The following AUTS2 variants were observed in gnomAD, a reference collection of about 807,000 sequenced individuals.
The protein encoded by AUTS2 is autism susceptibility gene 2 protein.
AUTS2 carries 17 observed loss-of-function variants against 112.4 expected under a neutral mutation model. The observed-to-expected ratio is 0.15, with a 90% CI of 0.10 to 0.23. The LOEUF is 0.23. AUTS2 is among the 10% of genes least tolerant of loss of function. AUTS2 has a pLI of 1.00. For synonymous variants in AUTS2, 751 were observed against 702.7 expected (o/e 1.07, Z -1.09); for missense variants, 1,510 against 1,701.6 (o/e 0.89, Z 1.98).
At chr7:70,589,598 C>T (rs939120710) in intron 5 of AUTS2, among the ~76,000 whole-genome samples, 8 of 152,138 alleles carry the variant, frequency 5.3e-5, no homozygotes, top group African/African-American at 1.9e-4. Context: ...CCTGTAATCC[C>T]AGCTACTCAG....
At chr7:69,754,454 G>A (rs1450365288) in intron 1 of AUTS2, among the ~76,000 whole-genome samples, 6 of 152,150 alleles carry the variant, frequency 3.9e-5, no homozygotes, top group African/African-American at 1.4e-4. Flanking sequence ...TTGGAATAGG[G>A]ATTTGTTGCA....
chr7:70,231,754 TTTTTTG>T (rs1454254185), intron 4 of AUTS2, among the ~76,000 whole-genome samples: 1 of 6,592 alleles, frequency 1.5e-4, no homozygotes, highest in African/African-American at 7.1e-4. Context: ...GATATGAGGT[TTTTTTG>T]TTTGTTTGTT....
intron 4 of AUTS2, among the ~76,000 whole-genome samples, chr7:70,252,278 C>A (rs1196294267): frequency 6.6e-6 from 1 of 152,140 alleles, no homozygotes; most frequent in African/African-American, 2.4e-5. Context: ...TTTCTCCACA[C>A]CACTGCCAAC....
intron 1 of AUTS2, among the ~76,000 whole-genome samples, chr7:69,685,759 T>A (rs1339903327): frequency 1.3e-5 from 2 of 151,656 alleles, no homozygotes; most frequent in Admixed American, 6.6e-5. Flanking sequence ...TGTCTCACTA[T>A]GTTGCTCAGG....
intron 1 of AUTS2, among the ~76,000 whole-genome samples, chr7:69,707,371 T>C (rs926583534): frequency 2.0e-5 from 3 of 152,212 alleles, no homozygotes; most frequent in African/African-American, 7.2e-5. Context: ...ACTAGTTATA[T>C]AGCAAGTACC....
At chr7:70,495,327 T>C (rs1254670350) in intron 5 of AUTS2, among the ~76,000 whole-genome samples, 2 of 150,592 alleles carry the variant, frequency 1.3e-5, no homozygotes, top group African/African-American at 2.4e-5. Context: ...CTTTTGGGGC[T>C]CACTGTTCAA....
At position 70,790,894 on chromosome 7, in the gene AUTS2, G is replaced by A. The variant is rs202106724; in HGVS notation, c.3678G>A (p.Thr1226=). The A allele has an allele frequency of 3.1e-6, 5 of 1,596,260 alleles. No individual in the cohort carries two copies. In the South Asian group the frequency reaches 5.7e-5, roughly 18 times the overall value. ...ALSAPPPLIS[T]LGGRPVSPRR... The stretch of plus-strand genomic sequence containing the variant: ...GCGCACCTCCCCCGCTCATCTCCAC[G>A]CTGGGGGGCCGCCCGGTCTCTCCCA... The change falls in exon 19 of 19, where the codon ACG becomes ACA. Residue 1226 remains threonine (T), a synonymous_variant. Transcript: ENST00000342771. The surrounding 1 kb of genome is among the most constrained non-coding windows in gnomAD (Gnocchi z 7.6).
chr7:70,033,152 T>C (rs1013357703), intron 2 of AUTS2, among the ~76,000 whole-genome samples: 2 of 152,164 alleles, frequency 1.3e-5, no homozygotes, highest in Non-Finnish European at 1.5e-5. Flanking sequence ...ATAAAAACCA[T>C]TGAGTTGTGT....
chr7:70,177,387 C>T lies in AUTS2; in HGVS notation c.660+42816C>T, dbSNP rs1016745233. On this transcript the variant is annotated intron_variant, in intron 4 of 18. Transcript: ENST00000342771. The stretch of plus-strand genomic sequence containing the variant: ...GAGCCATGATTTGAACTTAGCTGTG[C>T]TCAAAACCACCACACCATGATACCT... Among the ~76,000 whole-genome samples, 135 of 152,218 alleles carry T rather than the reference C, an allele frequency of 8.9e-4. 1 individual carries two copies. Among genetic ancestry groups the T allele is most frequent in the African/African-American group, 3.1e-3 (130 of 41,562 alleles).
chr7:70,120,422 A>G (rs540633150), intron 3 of AUTS2: 1 of 152,216 alleles, frequency 6.6e-6, no homozygotes, highest in South Asian at 2.1e-4. Context: ...TTGTGTGTCC[A>G]TGTGTCTGAT....
At chr7:69,636,477 C>T (rs1437594274) in intron 1 of AUTS2, among the ~76,000 whole-genome samples, 8 of 56,988 alleles carry the variant, frequency 1.4e-4, no homozygotes, top group Admixed American at 2.3e-4. Flanking sequence ...TCAAGTGATC[C>T]GCGCCCCCCC....
At chr7:69,929,717 A>T (rs185736797) in intron 2 of AUTS2, among the ~76,000 whole-genome samples, 29 of 152,332 alleles carry the variant, frequency 1.9e-4, no homozygotes, top group African/African-American at 7.0e-4. Flanking sequence ...AAAAATACTT[A>T]CAAGTCTCTA....
intron 2 of AUTS2, among the ~76,000 whole-genome samples, chr7:69,925,169 A>G (rs551534064): frequency 1.3e-5 from 2 of 152,202 alleles, no homozygotes; most frequent in African/African-American, 4.8e-5. Flanking sequence ...TCTCTCTGTC[A>G]TATCAGTATG....
chr7:70,458,170 G>A (rs1190798613), intron 5 of AUTS2, among the ~76,000 whole-genome samples: 1 of 152,180 alleles, frequency 6.6e-6, no homozygotes, highest in Non-Finnish European at 1.5e-5. Context: ...GGAGGCTGCC[G>A]GCTCAGCCTG....
chr7:69,848,267 C>T (rs1382624260), intron 1 of AUTS2, among the ~76,000 whole-genome samples: 2 of 152,170 alleles, frequency 1.3e-5, no homozygotes, highest in East Asian at 1.9e-4. Flanking sequence ...TCTGTAACCC[C>T]ATTAAGAGGT....
At chr7:70,430,858 C>G (rs1296415323) in intron 4 of AUTS2, among the ~76,000 whole-genome samples, 2 of 100,750 alleles carry the variant, frequency 2.0e-5, no homozygotes, top group Non-Finnish European at 3.5e-5. Flanking sequence ...TTTTTTGAGA[C>G]GGAGTCTCGC....
At chr7:70,483,585 C>G (rs1018440395) in intron 5 of AUTS2, among the ~76,000 whole-genome samples, 3 of 152,176 alleles carry the variant, frequency 2.0e-5, no homozygotes, top group Non-Finnish European at 4.4e-5. Context: ...TGTGGTATCC[C>G]TCTCTGGACC....
chr7:70,407,448 G>A (rs747082407), intron 4 of AUTS2, among the ~76,000 whole-genome samples: 4 of 152,080 alleles, frequency 2.6e-5, no homozygotes, highest in East Asian at 1.9e-4. Flanking sequence ...AGAACCGGTC[G>A]GGAGTATGTT....
chr7:70,014,993 G>A (rs1799965105), intron 2 of AUTS2, among the ~76,000 whole-genome samples: 1 of 152,178 alleles, frequency 6.6e-6, no homozygotes, highest in African/African-American at 2.4e-5. Flanking sequence ...AGAAAATTAT[G>A]AGCATAATGT....
Sources: gnomAD v4.1 joint callset for allele counts (sites outside exome capture counted in the v4.1 genomes callset) on GRCh38, gnomAD v4.1.1 for gene constraint, Gnocchi (gnomAD v3.1) non-coding constraint, MANE v1.5 for transcripts, NCBI Gene and HGNC (gene_info 2026-07-23, HGNC 2026-07-21) for gene names.